The following FAM120B variants were observed in gnomAD, a reference collection of about 807,000 sequenced individuals.
FAM120B encodes family with sequence similarity 120 member B, also known as constitutive coactivator of peroxisome proliferator-activated receptor gamma.
In FAM120B, 83 loss-of-function variants were observed where a neutral mutation model predicts 96.3. That is an observed-to-expected ratio of 0.86 (90% confidence interval 0.72 to 1.03). FAM120B has a LOEUF of 1.03. Ranked by LOEUF, FAM120B falls within the 50% of genes least tolerant of loss-of-function variation. The probability of loss-of-function intolerance (pLI) is 0.00; values close to 1 mark genes in which losing one functional copy is unlikely to be tolerated. For missense variants in FAM120B, 1,027 were observed against 1,121.2 expected, an observed-to-expected ratio of 0.92 and a Z score of 1.20; for synonymous variants, 407 against 402.7, an observed-to-expected ratio of 1.01 and a Z score of -0.13.
chr6:170,367,427 A>G (rs945775437), intron 6 of FAM120B, among the ~76,000 whole-genome samples: 3 of 152,270 alleles, frequency 2.0e-5, no homozygotes, highest in African/African-American at 4.8e-5. Context: ...CTTGGCACAT[A>G]GCCATGCTCA....
chr6:170,355,283 A>G (rs1787832509), intron 5 of FAM120B, among the ~76,000 whole-genome samples: 2 of 152,356 alleles, frequency 1.3e-5, no homozygotes, highest in South Asian at 2.1e-4. Context: ...TCACTGCAGC[A>G]CTATTCACAA....
chr6:170,388,263 T>C, intron 6 of FAM120B, 24 bp from the exon 7 acceptor site: 1 of 1,607,852 alleles, frequency 6.2e-7, no homozygotes, highest in Non-Finnish European at 8.5e-7. Context: ...CTTACATTTT[T>C]GGTGTGTGTT....
rs1356948660 is a variant in FAM120B, at chr6:170,323,178, G to C, written c.1834G>C (p.Asp612His). 1 of 1,614,176 alleles carries C rather than the reference G, an allele frequency of 6.2e-7. No individual in the cohort carries two copies. The highest frequency in any genetic ancestry group is 2.2e-5 in the East Asian group (1 of 44,876). Residue 612 changes from aspartate to histidine, a missense_variant, in exon 3 of 11, where the codon GAC becomes CAC. Asp to His is a moderately conservative substitution (Grantham distance 81). Transcript: ENST00000476287. ...CAGCAACACCCTAGAAGATGAGCTT[G>C]ACCAGGCCTTACCCAGCCAGGCCTT... is the stretch of plus-strand genomic sequence containing the variant. ...ECSNTLEDEL[D>H]QALPSQAFIY... is the part of the protein sequence containing the mutation.
In FAM120B at chr6:170,346,265, C is replaced by T. The variant is rs112875252; in HGVS notation, c.2018-1886C>T. On this transcript the variant is annotated intron_variant, in intron 4 of 10. Transcript: ENST00000476287. ...TCTTTCCACTGTCCATCTCCCTGCA[C>T]GCTGATGGGGACATGACCTTTCAGC... Among the ~76,000 whole-genome samples the T allele has an allele frequency of 1.5e-3, 228 of 151,944 alleles. 1 individual carries two copies. The highest frequency in any genetic ancestry group is 5.1e-3 in the African/African-American group (210 of 41,424).
chr6:170,334,018 G>GGCCCACACC (rs1294404420), intron 4 of FAM120B, among the ~76,000 whole-genome samples: 2 of 152,094 alleles, frequency 1.3e-5, no homozygotes, highest in Non-Finnish European at 2.9e-5. Flanking sequence ...TCTCCATTCT[G>GGCCCACACC]TGGCTGGGAG....
At chr6:170,324,874 A>G (rs1284132669) in intron 3 of FAM120B, among the ~76,000 whole-genome samples, 1 of 152,214 alleles carries the variant, frequency 6.6e-6, no homozygotes, top group Non-Finnish European at 1.5e-5. Flanking sequence ...GACTTAGTTT[A>G]TGATCCCATT....
At chr6:170,309,264 T>G (rs1784459451) in intron 1 of FAM120B, among the ~76,000 whole-genome samples, 1 of 152,230 alleles carries the variant, frequency 6.6e-6, no homozygotes, top group South Asian at 2.1e-4. Context: ...AAAGTTTAAA[T>G]TATTTATGCA....
chr6:170,308,857 G>C (rs1453350391), intron 1 of FAM120B, among the ~76,000 whole-genome samples: 1 of 152,192 alleles, frequency 6.6e-6, no homozygotes, highest in Middle Eastern at 3.2e-3. Flanking sequence ...GAATGGAACT[G>C]ATCAAGTTCC....
intron 6 of FAM120B, among the ~76,000 whole-genome samples, chr6:170,359,848 A>G (rs781724364): frequency 2.0e-5 from 3 of 152,234 alleles, no homozygotes; most frequent in Non-Finnish European, 4.4e-5. Flanking sequence ...TAGCATCAGT[A>G]TCCAAAAAGT....
At position 170,395,472 on chromosome 6, in the gene FAM120B, T is replaced by A; in HGVS notation, c.2600-15T>A. The A allele has an allele frequency of 6.4e-7, 1 of 1,570,898 alleles. No individual in the cohort carries two copies. On this transcript the variant is annotated splice_polypyrimidine_tract_variant and intron_variant, in intron 8 of 10. Coordinates refer to ENST00000476287, the MANE Select transcript of FAM120B (RefSeq NM_032448.3). The stretch of plus-strand genomic sequence containing the variant: ...TTTGACAACTTACTAATCTTCTGAC[T>A]ATGTGTTCCCACAGGGAGGTGGGGA...
chr6:170,350,280 G>A (rs78384775), intron 5 of FAM120B, among the ~76,000 whole-genome samples: 2,351 of 152,270 alleles, frequency 0.015, 64 homozygotes, highest in African/African-American at 0.053. Context: ...ATCCCAGCCG[G>A]CCAATGGCAG....
chr6:170,355,797 G>C (rs1380351640), intron 5 of FAM120B, among the ~76,000 whole-genome samples: 1 of 152,138 alleles, frequency 6.6e-6, no homozygotes, highest in Non-Finnish European at 1.5e-5. Flanking sequence ...TGCACTATTG[G>C]TTAATATTTT....
intron 2 of FAM120B, 44 bp downstream of exon 2, chr6:170,319,168 TC>T: frequency 6.7e-7 from 1 of 1,493,922 alleles, no homozygotes; most frequent in Non-Finnish European, 8.9e-7. Flanking sequence ...TGAAAATATA[TC>T]CGCTGATGGA....
intron 9 of FAM120B, among the ~76,000 whole-genome samples, chr6:170,396,958 G>C (rs891134475): frequency 6.6e-6 from 1 of 152,248 alleles, no homozygotes; most frequent in Non-Finnish European, 1.5e-5. Context: ...GCAGTCCTGT[G>C]TGATGCATGT....
At chr6:170,356,266 A>AAAG in intron 5 of FAM120B, among the ~76,000 whole-genome samples, 1 of 152,348 alleles carries the variant, frequency 6.6e-6, no homozygotes. Flanking sequence ...CAGACTTGGT[A>AAAG]ACTTGTCTTT....
At chr6:170,300,033 T>C (rs988157332) in intron 1 of FAM120B, among the ~76,000 whole-genome samples, 1 of 152,046 alleles carries the variant, frequency 6.6e-6, no homozygotes, top group Non-Finnish European at 1.5e-5. Context: ...GAAATCAGTA[T>C]GTTTTCATGG....
At chr6:170,397,412 C>T (rs1778231864) in intron 9 of FAM120B, among the ~76,000 whole-genome samples, 1 of 152,150 alleles carries the variant, frequency 6.6e-6, no homozygotes, top group African/African-American at 2.4e-5. Context: ...TGCCAGATGC[C>T]TGTGGGCCAG....
chr6:170,374,436 A>G (rs980876549), intron 6 of FAM120B, among the ~76,000 whole-genome samples: 1 of 152,214 alleles, frequency 6.6e-6, no homozygotes, highest in African/African-American at 2.4e-5. Context: ...TCAGCCATTT[A>G]CTCTGCCCGA....
intron 6 of FAM120B, among the ~76,000 whole-genome samples, chr6:170,378,322 C>T (rs1789698056): frequency 1.3e-5 from 2 of 152,092 alleles, no homozygotes; most frequent in Non-Finnish European, 2.9e-5. Flanking sequence ...GAGCTTGAGA[C>T]TTGAGAGCCC....
Sources: gnomAD v4.1 joint callset for allele counts (sites outside exome capture counted in the v4.1 genomes callset) on GRCh38, gnomAD v4.1.1 for gene constraint, MANE v1.5 for transcripts, NCBI Gene and HGNC (gene_info 2026-07-23, HGNC 2026-07-21) for gene names.